The following PIP5K1B variants were observed in gnomAD, a reference collection of about 807,000 sequenced individuals.
PIP5K1B encodes the protein phosphatidylinositol-4-phosphate 5-kinase type 1 beta, also known as phosphatidylinositol 4-phosphate 5-kinase type-1 beta.
Under a neutral mutation model 67.0 loss-of-function variants are expected in PIP5K1B, and 42 were observed. The observed-to-expected ratio is 0.63, with a 90% CI of 0.49 to 0.81. The LOEUF (loss-of-function observed/expected upper bound fraction) is 0.81, where lower values mean the gene tolerates loss of function less well. PIP5K1B is among the 30% of genes least tolerant of loss of function. The probability of loss-of-function intolerance (pLI) is 0.00; values close to 1 mark genes in which losing one functional copy is unlikely to be tolerated. For missense variants in PIP5K1B, 459 were observed against 646.3 expected, an observed-to-expected ratio of 0.71 and a Z score of 3.14; for synonymous variants, 214 against 231.4, an observed-to-expected ratio of 0.92 and a Z score of 0.68.
chr9:68,867,315 C>A (rs1426169638), intron 5 of PIP5K1B, among the ~76,000 whole-genome samples: 5 of 152,216 alleles, frequency 3.3e-5, no homozygotes, highest in African/African-American at 1.2e-4. Context: ...CCAAGAATTT[C>A]TTTCAGCAGA....
intron 12 of PIP5K1B, among the ~76,000 whole-genome samples, chr9:68,933,013 T>C (rs1224404947): frequency 6.6e-6 from 1 of 151,956 alleles, no homozygotes; most frequent in Non-Finnish European, 1.5e-5. Flanking sequence ...GGCAGGAGAA[T>C]TGCTTGAACC....
At chr9:69,006,918 C>T (rs1831111643) in intron 15 of PIP5K1B, among the ~76,000 whole-genome samples, 1 of 152,198 alleles carries the variant, frequency 6.6e-6, no homozygotes, top group Admixed American at 6.5e-5. Flanking sequence ...CTGCACCATA[C>T]ATCAAAGTTA....
At chr9:68,707,851 G>A (rs1305251606) in intron 1 of PIP5K1B, 4 of 152,104 alleles carry the variant, frequency 2.6e-5, no homozygotes, top group Non-Finnish European at 5.9e-5. Flanking sequence ...TATGACCTGG[G>A]CCATCATATC....
At chr9:68,733,952 T>TA (rs754543329) in intron 1 of PIP5K1B, among the ~76,000 whole-genome samples, 7 of 152,180 alleles carry the variant, frequency 4.6e-5, no homozygotes, top group Non-Finnish European at 8.8e-5. Flanking sequence ...TTAGACTCTT[T>TA]AAAGGATCAT....
intron 12 of PIP5K1B, among the ~76,000 whole-genome samples, chr9:68,927,829 C>T (rs1468545781): frequency 6.6e-6 from 1 of 152,142 alleles, no homozygotes; most frequent in Non-Finnish European, 1.5e-5. Flanking sequence ...TTGCCTAACC[C>T]AAGGTCATGA....
rs138893749 is a variant in PIP5K1B at position 68,991,144 on chromosome 9, G to A, written c.1507G>A (p.Gly503Arg). ...CATTCATCTTTATTTTTCCAGCAAA[G>A]GGTTACCTTCCAGTTCAACATTTAC... ...DRPTLYSNSK[G>R]LPSSSTFTLE... The change falls in exon 15 of 16, where the codon GGG becomes AGG. Residue 503 changes from glycine to arginine, a missense_variant. Gly to Arg is a moderately radical substitution (Grantham distance 125, BLOSUM62 -2). Transcript: ENST00000265382. The A allele has an allele frequency of 1.9e-6, 3 of 1,581,364 alleles. No individual in the cohort carries two copies. Among genetic ancestry groups the A allele is most frequent in the Non-Finnish European group, 2.6e-6 (3 of 1,150,294 alleles).
chr9:68,724,930 A>G (rs1327237253), intron 1 of PIP5K1B, among the ~76,000 whole-genome samples: 1 of 152,186 alleles, frequency 6.6e-6, no homozygotes, highest in African/African-American at 2.4e-5. Flanking sequence ...ACAGGTTTAT[A>G]TCAGTTGATG....
At chr9:68,739,151 T>G (rs1231634422) in intron 1 of PIP5K1B, among the ~76,000 whole-genome samples, 1 of 152,242 alleles carries the variant, frequency 6.6e-6, no homozygotes, top group Admixed American at 6.5e-5. Context: ...TAATTTTGAA[T>G]TTTTAAACTT....
At chr9:68,718,705 A>G (rs1827743185) in intron 1 of PIP5K1B, among the ~76,000 whole-genome samples, 1 of 152,226 alleles carries the variant, frequency 6.6e-6, no homozygotes, top group Non-Finnish European at 1.5e-5. Flanking sequence ...ATTATACAGA[A>G]CAGAGTGTGT....
chr9:68,760,501 G>T (rs1209239754), intron 2 of PIP5K1B, among the ~76,000 whole-genome samples: 1 of 152,038 alleles, frequency 6.6e-6, no homozygotes, highest in Non-Finnish European at 1.5e-5. Flanking sequence ...CTGTGAAAAG[G>T]AGAATTCATA....
chr9:68,721,267 G>A (rs1827868526), intron 1 of PIP5K1B, among the ~76,000 whole-genome samples: 1 of 152,144 alleles, frequency 6.6e-6, no homozygotes, highest in South Asian at 2.1e-4. Context: ...GAATTAGAAG[G>A]GTAAGAGACT....
Position 68,933,099 on chromosome 9 carries a change from CAAAA to C in PIP5K1B, c.1202-1780_1202-1777del, listed in dbSNP as rs200948074. ...GGGCAACAAGAGCAAAACTCCGTCTCAAAAAAAAAAAAAAGAAGAAGAAGCAGTT... is the reference window on the plus strand; with the variant it reads ...GGGCAACAAGAGCAAAACTCCGTCTCAAAAAAAAAAGAAGAAGAAGCAGTT... On this transcript the variant is annotated intron_variant, in intron 12 of 15. Coordinates refer to ENST00000265382, the MANE Select transcript of PIP5K1B (RefSeq NM_003558.4). 6.1e-5 allele frequency among the ~76,000 whole-genome samples: 6 copies of C among 98,116 alleles called. No homozygotes were observed. The South Asian group carries it at 2.0e-3, about 32-fold the overall frequency. The allele number at this position is 98,116 out of a possible 152,430, so 64.4% of individuals were successfully genotyped here.
At chr9:68,890,564 T>G (rs567908982) in intron 7 of PIP5K1B, among the ~76,000 whole-genome samples, 1 of 152,258 alleles carries the variant, frequency 6.6e-6, no homozygotes, top group Admixed American at 6.5e-5. Context: ...ATTAAATACT[T>G]AAATTAATCT....
intron 4 of PIP5K1B, among the ~76,000 whole-genome samples, chr9:68,833,663 G>C (rs1451228438): frequency 6.6e-6 from 1 of 151,938 alleles, no homozygotes; most frequent in Non-Finnish European, 1.5e-5. Context: ...CTAGACAAAG[G>C]TTGTGGACTA....
chr9:68,866,304 A>G (rs964937610), intron 5 of PIP5K1B, among the ~76,000 whole-genome samples: 2 of 151,870 alleles, frequency 1.3e-5, no homozygotes, highest in African/African-American at 2.4e-5. Flanking sequence ...TCAAAAAAAA[A>G]AAAAAGAAAA....
chr9:68,745,394 T>C (rs1022451603), intron 2 of PIP5K1B, among the ~76,000 whole-genome samples: 1 of 152,250 alleles, frequency 6.6e-6, no homozygotes, highest in East Asian at 1.9e-4. Flanking sequence ...GGTTTTGGGC[T>C]ATGTTCTTTG....
At chr9:68,994,142 G>A (rs914668291) in intron 15 of PIP5K1B, among the ~76,000 whole-genome samples, 2 of 146,496 alleles carry the variant, frequency 1.4e-5, no homozygotes, top group East Asian at 2.1e-4. Context: ...CCAGGTTCAA[G>A]CGATTCTCCT....
At chr9:68,984,251 A>G (rs781456539) in intron 14 of PIP5K1B, among the ~76,000 whole-genome samples, 62 of 152,240 alleles carry the variant, frequency 4.1e-4, no homozygotes, top group Non-Finnish European at 6.9e-4. Flanking sequence ...AGTCAGATTC[A>G]TCTGATTCCA....
At chr9:68,997,551 C>G (rs1329755834) in intron 15 of PIP5K1B, among the ~76,000 whole-genome samples, 1 of 152,170 alleles carries the variant, frequency 6.6e-6, no homozygotes, top group African/African-American at 2.4e-5. Flanking sequence ...CCAGAAGCCC[C>G]TTTCCTTCTG....
Sources: gnomAD v4.1 joint callset for allele counts (sites outside exome capture counted in the v4.1 genomes callset) on GRCh38, gnomAD v4.1.1 for gene constraint, MANE v1.5 for transcripts, NCBI Gene and HGNC (gene_info 2026-07-23, HGNC 2026-07-21) for gene names.